The following ANAPC4 variants were observed in gnomAD, a reference collection of about 807,000 sequenced individuals.
The protein encoded by ANAPC4 is anaphase promoting complex subunit 4, also known as anaphase-promoting complex subunit 4.
In ANAPC4, 63 loss-of-function variants were observed where a neutral mutation model predicts 119.8. That is an observed-to-expected ratio of 0.53 (90% CI 0.43 to 0.65). The LOEUF (loss-of-function observed/expected upper bound fraction) is 0.65, where lower values mean the gene tolerates loss of function less well. ANAPC4 is among the 30% of genes least tolerant of loss of function. The pLI is 0.00. For synonymous variants in ANAPC4, 283 were observed against 318.6 expected (o/e 0.89, Z 1.19); for missense variants, 716 against 945.1 (o/e 0.76, Z 3.18).
intron 7 of ANAPC4, among the ~76,000 whole-genome samples, chr4:25,389,259 A>C (rs974390557): frequency 1.3e-5 from 2 of 151,538 alleles, no homozygotes; most frequent in Non-Finnish European, 2.9e-5. Context: ...TCCTGGTTCA[A>C]GTGATTCTTC....
chr4:25,413,384 A>G (rs1723684521), intron 21 of ANAPC4: 2 of 328,034 alleles, frequency 6.1e-6, no homozygotes, highest in South Asian at 7.4e-5. Context: ...TATAGCCAGC[A>G]GAAACCTACA....
chr4:25,389,805 G>A (rs912808673), intron 7 of ANAPC4, among the ~76,000 whole-genome samples: 1 of 152,120 alleles, frequency 6.6e-6, no homozygotes, highest in Non-Finnish European at 1.5e-5. Context: ...TCATAACCAT[G>A]ATAAAACTGA....
At chr4:25,388,377 G>T (rs946465620) in intron 4 of ANAPC4, 123 bp from the exon 5 acceptor site, 1 of 662,954 alleles carries the variant, frequency 1.5e-6, no homozygotes, top group Non-Finnish European at 2.7e-6. Flanking sequence ...TATAGTATTT[G>T]TGTCATCTAT....
At chr4:25,410,010 A>G (rs1477090323) in intron 21 of ANAPC4, among the ~76,000 whole-genome samples, 1 of 152,222 alleles carries the variant, frequency 6.6e-6, no homozygotes, top group Non-Finnish European at 1.5e-5. Context: ...CTGTAGGAAG[A>G]TTGCTTATTC....
intron 17 of ANAPC4, among the ~76,000 whole-genome samples, chr4:25,404,692 G>A (rs931949764): frequency 1.3e-5 from 2 of 152,104 alleles, no homozygotes; most frequent in African/African-American, 2.4e-5. Context: ...ACACTGGATT[G>A]GAGAAGTGGA....
At chr4:25,389,032 C>A (rs998875407) in intron 7 of ANAPC4, 150 bp downstream of exon 7, 2 of 700,446 alleles carry the variant, frequency 2.9e-6, no homozygotes, top group Non-Finnish European at 4.7e-6. Context: ...TCTCTGTCAC[C>A]CAGGCTGGAG....
In ANAPC4 at chr4:25,405,213, G is replaced by GA. The variant is rs1723189340; in HGVS notation, c.1271-354dup. Reference sequence around the variant, plus strand: ...TCTTTGGTATCATAAGGCTTTGGAGGAAAAAATGGCTTGCAGATTTTAAGA... The same window carrying GA: ...TCTTTGGTATCATAAGGCTTTGGAGGAAAAAAATGGCTTGCAGATTTTAAGA... On this transcript the variant is annotated intron_variant, in intron 17 of 28. Coordinates refer to ENST00000315368, the MANE Select transcript of ANAPC4 (RefSeq NM_013367.3). This position sits in a 1 kb window ranked among gnomAD's most constrained non-coding sequence, Gnocchi z 4.6. Among the ~76,000 whole-genome samples the GA allele has an allele frequency of 6.6e-6, 1 of 151,836 alleles. No homozygotes were observed. The highest frequency in any genetic ancestry group is 2.4e-5 in the African/African-American group (1 of 41,352).
At position 25,381,300 on chromosome 4, in the gene ANAPC4, C is replaced by T. The variant is rs1375775184; in HGVS notation, c.235+821C>T. Among the ~76,000 whole-genome samples, 3 of 151,818 alleles carry T rather than the reference C, an allele frequency of 2.0e-5. No homozygotes were observed. In the East Asian group the frequency reaches 5.8e-4, roughly 29 times the overall value. ...TATGCTCCTCATTGCTTTTTCTTTT[C>T]CCCCCCAGACAGTGTCTCACTCTTG... On this transcript the variant is annotated intron_variant, in intron 3 of 28. Transcript: ENST00000315368.
intron 9 of ANAPC4, 28 bp downstream of exon 9, chr4:25,391,043 A>C (rs910920843): frequency 2.7e-6 from 4 of 1,477,824 alleles, no homozygotes; most frequent in Non-Finnish European, 3.8e-6. Context: ...ATAACGGTAG[A>C]GAGTAAATAT....
chr4:25,408,600 T>C (rs1167027936), intron 20 of ANAPC4, among the ~76,000 whole-genome samples: 1 of 151,892 alleles, frequency 6.6e-6, no homozygotes, highest in Non-Finnish European at 1.5e-5. Context: ...CACAGCTTAC[T>C]GCAGCCTCCA....
chr4:25,408,409 T>C (rs1388644033), intron 20 of ANAPC4, among the ~76,000 whole-genome samples: 2 of 152,124 alleles, frequency 1.3e-5, no homozygotes, highest in African/African-American at 4.8e-5. Context: ...ATCCAGCTGT[T>C]CTAAATGCCG....
At chr4:25,388,937 C>T (rs778857769) in intron 7 of ANAPC4, 55 bp downstream of exon 7, 34 of 1,401,032 alleles carry the variant, frequency 2.4e-5, no homozygotes, top group Middle Eastern at 2.6e-4. Flanking sequence ...ATATTTGAGG[C>T]AGTTTTCAGA....
intron 3 of ANAPC4, among the ~76,000 whole-genome samples, chr4:25,382,737 G>A (rs566319813): frequency 5.5e-4 from 83 of 152,280 alleles, no homozygotes; most frequent in African/African-American, 1.9e-3. Flanking sequence ...TAAATTGCAC[G>A]TTAGGAAGAA....
At chr4:25,378,561 TC>T (rs764549433) in intron 2 of ANAPC4, among the ~76,000 whole-genome samples, 6 of 152,212 alleles carry the variant, frequency 3.9e-5, no homozygotes, top group Non-Finnish European at 7.3e-5. Context: ...GGGAGGCACA[TC>T]CGTGCAATCA....
intron 4 of ANAPC4, among the ~76,000 whole-genome samples, chr4:25,385,270 C>T (rs969669546): frequency 2.0e-5 from 3 of 152,198 alleles, no homozygotes; most frequent in African/African-American, 4.8e-5. Context: ...CTTTAAAATA[C>T]ATACATACGT....
chr4:25,405,115 T>A lies in ANAPC4; in HGVS notation c.1271-458T>A, dbSNP rs1723183024. 6.6e-6 allele frequency among the ~76,000 whole-genome samples: 1 copy of A among 150,912 alleles called. No homozygotes were observed. Among genetic ancestry groups the A allele is most frequent in the Admixed American group, 6.6e-5 (1 of 15,038 alleles). On this transcript the variant is annotated intron_variant, in intron 17 of 28. Coordinates refer to ENST00000315368, the MANE Select transcript of ANAPC4 (RefSeq NM_013367.3). The surrounding 1 kb of genome is among the most constrained non-coding windows in gnomAD (Gnocchi z 4.6). ...AAGGACGGAGAGAGTCAACCACAGA[T>A]ACTAGATCAAAGAAAAGTACATAAA...
At chr4:25,386,927 C>T (rs1033338546) in intron 4 of ANAPC4, among the ~76,000 whole-genome samples, 4 of 152,110 alleles carry the variant, frequency 2.6e-5, no homozygotes, top group Non-Finnish European at 5.9e-5. Flanking sequence ...AAGCTCTAGA[C>T]GAGATAAATG....
At chr4:25,401,851 G>A (rs548104608) in intron 16 of ANAPC4, among the ~76,000 whole-genome samples, 4 of 152,182 alleles carry the variant, frequency 2.6e-5, no homozygotes, top group Admixed American at 6.5e-5. Flanking sequence ...AAAAAAACAC[G>A]AAGAGAAATG....
intron 20 of ANAPC4, 62 bp from the exon 21 acceptor site, chr4:25,409,636 T>A (rs1165272206): frequency 7.7e-7 from 1 of 1,299,098 alleles, no homozygotes; most frequent in Non-Finnish European, 1.1e-6. Context: ...TTTACTTTTT[T>A]TCTTTTTCCA....
Sources: allele counts gnomAD v4.1 joint callset (sites outside exome capture counted in the v4.1 genomes callset), GRCh38; gene constraint gnomAD v4.1.1; non-coding constraint Gnocchi (gnomAD v3.1); transcripts MANE v1.5; gene names NCBI Gene and HGNC (gene_info 2026-07-23, HGNC 2026-07-21).